FOXJ3: variants seen among roughly 807,000 people sequenced by gnomAD.
The protein encoded by FOXJ3 is forkhead box protein J3.
FOXJ3 carries 22 observed loss-of-function variants against 76.1 expected under a neutral mutation model. The observed-to-expected ratio is 0.29, with a 90% CI of 0.21 to 0.41. The LOEUF (loss-of-function observed/expected upper bound fraction) is 0.41, where lower values mean the gene tolerates loss of function less well. Ranked by LOEUF, FOXJ3 falls within the 10% of genes least tolerant of loss-of-function variation. FOXJ3 has a pLI of 1.00. For synonymous variants in FOXJ3, 269 were observed against 261.2 expected (o/e 1.03, Z -0.29); for missense variants, 613 against 762.1 (o/e 0.80, Z 2.30).
intron 5 of FOXJ3, among the ~76,000 whole-genome samples, chr1:42,218,178 C>T (rs1647110207): frequency 6.6e-6 from 1 of 152,164 alleles, no homozygotes; most frequent in South Asian, 2.1e-4. Context: ...TCTCAGACTC[C>T]ACCTCAGAGA....
rs187918553 is a variant in FOXJ3, at chr1:42,262,679, T to C, written c.444+2436A>G. Among the ~76,000 whole-genome samples, 5 of 152,190 alleles carry C rather than the reference T, an allele frequency of 3.3e-5. No individual in the cohort carries two copies. The East Asian group carries it at 9.7e-4, about 29-fold the overall frequency. On this transcript the variant is annotated intron_variant, in intron 4 of 12. Coordinates refer to ENST00000361346, the MANE Select transcript of FOXJ3 (RefSeq NM_014947.5). ...GCTTGGCCAAGATGGTGAAACCCCA[T>C]CTCTACTAAAAATACAAAAGTTAGC...
At chr1:42,221,310 T>C (rs942429097) in intron 5 of FOXJ3, among the ~76,000 whole-genome samples, 1 of 152,232 alleles carries the variant, frequency 6.6e-6, no homozygotes, top group South Asian at 2.1e-4. Context: ...TAAGTTTCTA[T>C]AAGCAAAGAA....
chr1:42,244,176 T>C (rs1649361185), intron 4 of FOXJ3, among the ~76,000 whole-genome samples: 1 of 151,856 alleles, frequency 6.6e-6, no homozygotes, highest in Non-Finnish European at 1.5e-5. Flanking sequence ...AAAGCAAAAG[T>C]AGAGCTAAAG....
chr1:42,237,931 CACACACACAT>C (rs1233848079), intron 4 of FOXJ3, among the ~76,000 whole-genome samples: 8 of 149,926 alleles, frequency 5.3e-5, no homozygotes, highest in East Asian at 1.9e-4. Flanking sequence ...CACACACACA[CACACACACAT>C]ATATATAGAC....
At chr1:42,292,949 A>C (rs1452708325) in intron 2 of FOXJ3, among the ~76,000 whole-genome samples, 1 of 152,022 alleles carries the variant, frequency 6.6e-6, no homozygotes, top group Admixed American at 6.6e-5. Context: ...AAAAATACAA[A>C]AATTAGCCAG....
chr1:42,203,685 G>A (rs1646805223), intron 6 of FOXJ3, among the ~76,000 whole-genome samples: 1 of 152,066 alleles, frequency 6.6e-6, no homozygotes, highest in Non-Finnish European at 1.5e-5. Flanking sequence ...AATGCCTTAA[G>A]TGGATACTAC....
At chr1:42,330,621 G>A (rs772328436) in intron 1 of FOXJ3, among the ~76,000 whole-genome samples, 7 of 152,116 alleles carry the variant, frequency 4.6e-5, no homozygotes, top group Non-Finnish European at 8.8e-5. Flanking sequence ...CTGGGCAAGA[G>A]TGAGACCCTG....
At chr1:42,296,986 G>A (rs182313482) in intron 2 of FOXJ3, among the ~76,000 whole-genome samples, 5 of 152,260 alleles carry the variant, frequency 3.3e-5, no homozygotes, top group African/African-American at 1.2e-4. Context: ...TTCCATTGGT[G>A]TTATATAGTT....
chr1:42,316,333 C>CT (rs71065173), intron 1 of FOXJ3, among the ~76,000 whole-genome samples: 1,268 of 73,904 alleles, frequency 0.017, 119 homozygotes, highest in Non-Finnish European at 0.026. Context: ...TGCATTGGGC[C>CT]TTTTTTTTTT....
At chr1:42,321,791 G>A (rs907085338) in intron 1 of FOXJ3, among the ~76,000 whole-genome samples, 3 of 152,032 alleles carry the variant, frequency 2.0e-5, no homozygotes, top group Non-Finnish European at 4.4e-5. Flanking sequence ...AGTATGAACC[G>A]ACTCAAGAGG....
intron 3 of FOXJ3, among the ~76,000 whole-genome samples, chr1:42,275,316 C>T (rs1057177418): frequency 8.5e-5 from 13 of 152,140 alleles, no homozygotes; most frequent in South Asian, 4.1e-4. Flanking sequence ...AGACCTAAAG[C>T]CCTATAACTC....
Position 42,191,473 on chromosome 1 carries a change from G to A in FOXJ3, c.1181C>T (p.Pro394Leu), listed in dbSNP as rs759553757. 45 of 1,613,666 alleles carry A rather than the reference G, an allele frequency of 2.8e-5. No homozygotes were observed. Among genetic ancestry groups the A allele is most frequent in the South Asian group, 5.5e-5 (5 of 91,030 alleles). The change falls in exon 9 of 13, where the codon CCG becomes CTG. Residue 394 changes from proline to leucine, a missense_variant. Physicochemically the swap from Pro to Leu is moderately conservative, Grantham distance 98. This residue lies in a region of FOXJ3 where 526 missense variants were observed against 601.4 expected (regional missense o/e 0.87). Coordinates refer to ENST00000361346, the MANE Select transcript of FOXJ3 (RefSeq NM_014947.5). ...PHRPHGLPQH[P>L]QRSPHPAPHP... ...TGGTGCTGGGTGTGGGGAACGCTGC[G>A]GATGCTGCGGTAAACCATGCGGTCG... is the stretch of plus-strand genomic sequence containing the variant.
intron 7 of FOXJ3, among the ~76,000 whole-genome samples, chr1:42,198,616 T>C (rs562730530): frequency 6.6e-6 from 1 of 152,194 alleles, no homozygotes; most frequent in Non-Finnish European, 1.5e-5. Context: ...CAGGTCCCTT[T>C]ATAGCATGGC....
rs534296575 is a variant in FOXJ3, at chr1:42,266,503, GAA to G, written c.370-1316_370-1315del. ...CTAAATCACCTTTGGCAGAGCACAG[GAA>G]AAAGAGATGGCCACCATCCAAGCAG... On this transcript the variant is annotated intron_variant, in intron 3 of 12. Transcript: ENST00000361346. 2.5e-3 allele frequency among the ~76,000 whole-genome samples: 383 copies of G among 152,268 alleles called. 1 individual carries two copies. The highest frequency in any genetic ancestry group is 0.017 in the Middle Eastern group (5 of 294).
intron 1 of FOXJ3, among the ~76,000 whole-genome samples, chr1:42,331,147 G>A (rs1008318939): frequency 3.3e-5 from 5 of 152,126 alleles, no homozygotes; most frequent in East Asian, 1.9e-4. Context: ...TTGGGAGGCC[G>A]AGGCAGGCAG....
intron 4 of FOXJ3, among the ~76,000 whole-genome samples, chr1:42,228,791 A>G (rs777142124): frequency 3.3e-5 from 5 of 152,164 alleles, no homozygotes; most frequent in Admixed American, 6.5e-5. Flanking sequence ...GGAAAGCATG[A>G]AAGAGGGGAG....
chr1:42,315,226 T>C (rs547265924), intron 1 of FOXJ3: 1 of 163,778 alleles, frequency 6.1e-6, no homozygotes, highest in African/African-American at 2.4e-5. Flanking sequence ...GAGGTTTCTT[T>C]TTAGAGTGAT....
intron 4 of FOXJ3, among the ~76,000 whole-genome samples, chr1:42,263,730 A>T (rs1651240368): frequency 1.3e-5 from 2 of 152,160 alleles, no homozygotes; most frequent in African/African-American, 4.8e-5. Flanking sequence ...AACTTCAAGA[A>T]GTTAACAGTC....
chr1:42,224,871 G>A (rs1424307868), intron 5 of FOXJ3, among the ~76,000 whole-genome samples: 1 of 151,638 alleles, frequency 6.6e-6, no homozygotes, highest in African/African-American at 2.4e-5. Context: ...TGGACTGCTT[G>A]AGCCCAGGAG....
Sources: gnomAD v4.1 joint callset for allele counts (sites outside exome capture counted in the v4.1 genomes callset) on GRCh38, gnomAD v4.1.1 for gene constraint, gnomAD v4.1.1 regional missense constraint, MANE v1.5 for transcripts, NCBI Gene and HGNC (gene_info 2026-07-23, HGNC 2026-07-21) for gene names.